The following FAM9B variants were observed in gnomAD, a reference collection of about 807,000 sequenced individuals.
FAM9B encodes the protein protein FAM9B.
FAM9B carries 18 observed loss-of-function variants against 16.6 expected under a neutral mutation model. That is an observed-to-expected ratio of 1.09 (90% confidence interval 0.75 to 1.61). FAM9B has a LOEUF of 1.61. Among genes scored for constraint, FAM9B ranks in the 40% most tolerant of loss-of-function variants. The probability of loss-of-function intolerance (pLI) is 0.00; values close to 1 mark genes in which losing one functional copy is unlikely to be tolerated. For synonymous variants in FAM9B, 43 were observed against 42.6 expected (o/e 1.01, Z -0.03); for missense variants, 155 against 136.0 (o/e 1.14, Z -0.70).
At chrX:9,030,516 A>G (rs2146824175) in intron 4 of FAM9B, 156 bp from the exon 5 acceptor site, 1 of 374,996 alleles carries the variant, frequency 2.7e-6, no homozygotes, top group East Asian at 4.5e-5. Context: ...TCAAAAAGCA[A>G]GATTTACTCA....
intron 6 of FAM9B, among the ~76,000 whole-genome samples, chrX:9,029,017 T>A (rs1920997050): frequency 9.0e-6 from 1 of 111,528 alleles, no homozygotes; most frequent in Non-Finnish European, 1.9e-5. Context: ...CAACTCTCCC[T>A]CTATCAATCT....
At chrX:9,032,654 G>A in intron 2 of FAM9B, 193 bp from the exon 3 acceptor site, 2 of 673,783 alleles carry the variant, frequency 3.0e-6, no homozygotes, top group Non-Finnish European at 4.3e-6. Context: ...GAAGCCCTTC[G>A]GGTTCAGGTT....
chrX:9,032,574 C>A, intron 2 of FAM9B, 113 bp from the exon 3 acceptor site: 3 of 993,425 alleles, frequency 3.0e-6, no homozygotes, highest in Non-Finnish European at 4.1e-6. Context: ...GGCTCTCTGC[C>A]AATTAAAGCT....
chrX:9,027,737 C>A, intron 7 of FAM9B, 131 bp downstream of exon 7: 1 of 502,317 alleles, frequency 2.0e-6, no homozygotes, highest in Admixed American at 3.3e-5. Flanking sequence ...ACAATACATT[C>A]AAAGTGAAAA....
At chrX:9,030,765 A>C (rs952344528) in intron 4 of FAM9B, 3 of 115,027 alleles carry the variant, frequency 2.6e-5, no homozygotes, top group African/African-American at 9.7e-5. Context: ...AAAGCACACA[A>C]AAAAGTATCT....
intron 7 of FAM9B, 59 bp from the exon 8 acceptor site, chrX:9,025,642 A>G: frequency 3.4e-6 from 3 of 891,157 alleles, no homozygotes; most frequent in Non-Finnish European, 4.7e-6. Context: ...CATTTTAAAC[A>G]GGGTTAATTA....
At position 9,024,360 on chromosome X, in the gene FAM9B, T is replaced by G. The variant is rs1030622591; in HGVS notation, c.*1049A>C. 8.9e-6 allele frequency: 1 copy of G among 111,922 alleles called. No homozygotes were observed. 9.2% of individuals were successfully genotyped at this position (111,922 alleles called of 1,213,427 possible). ...AAATAATTGTAAGCATACATAAATG[T>G]TAACAAAATGCTTTCATTCAATTCT... is the stretch of plus-strand genomic sequence containing the variant. On this transcript the variant is annotated 3_prime_UTR_variant, in exon 9 of 9. Transcript: ENST00000327220.
Position 9,030,194 on chromosome X carries a change from T to G in FAM9B, c.281+67A>C, listed in dbSNP as rs774006982. On this transcript the variant is annotated intron_variant, in intron 5 of 8. Coordinates refer to ENST00000327220, the MANE Select transcript of FAM9B (RefSeq NM_205849.3). The stretch of plus-strand genomic sequence containing the variant: ...AATATGTACAGGATAGTTTTTGAAA[T>G]TATTTGCACCAACTAATACAAAGAA... 4.8e-4 allele frequency: 562 copies of G among 1,160,174 alleles called. 4 individuals are homozygous for G. The African/African-American group carries it at 9.4e-3, about 19-fold the overall frequency.
intron 1 of FAM9B, 28 bp from the exon 2 acceptor site, chrX:9,033,103 A>T: frequency 8.3e-7 from 1 of 1,198,276 alleles, no homozygotes; most frequent in Non-Finnish European, 1.1e-6. Flanking sequence ...ACACTAAGGA[A>T]GCTAAGGAAA....
chrX:9,033,843 G>A lies in FAM9B; in HGVS notation c.-90+9C>T. 1 of 753,138 alleles carries A rather than the reference G, an allele frequency of 1.3e-6. No homozygotes were observed. Among genetic ancestry groups the A allele is most frequent in the African/African-American group, 2.3e-5 (1 of 43,425 alleles). The allele number at this position is 753,138 out of a possible 1,213,427, so 62.1% of individuals were successfully genotyped here. A position where few individuals can be genotyped will look rare whatever the true frequency, so the allele number is the denominator to read the frequency against. On this transcript the variant is annotated intron_variant, in intron 1 of 8. Coordinates refer to ENST00000327220, the MANE Select transcript of FAM9B (RefSeq NM_205849.3). Reference sequence around the variant, plus strand: ...CTGCGTTCCCGCCTCCCCACCACGAGTGCTTCACCTGAGGGACCCCTGATG... The same window carrying A: ...CTGCGTTCCCGCCTCCCCACCACGAATGCTTCACCTGAGGGACCCCTGATG...
Position 9,025,509 on chromosome X carries a change from A to C in FAM9B, c.*6T>G, listed in dbSNP as rs1920959669. ...AGTTCTGACATGATTTTATTTAAAAACATGTCTAGTTATCAAGTTCACTGT... is the reference window on the plus strand; with the variant it reads ...AGTTCTGACATGATTTTATTTAAAACCATGTCTAGTTATCAAGTTCACTGT... On this transcript the variant is annotated 3_prime_UTR_variant, in exon 8 of 9. Transcript: ENST00000327220. 3.4e-6 allele frequency: 4 copies of C among 1,189,884 alleles called. No individual in the cohort carries two copies. Among genetic ancestry groups the C allele is most frequent in the African/African-American group, 1.8e-5 (1 of 56,916 alleles).
At position 9,027,915 on chromosome X, in the gene FAM9B, T is replaced by C; in HGVS notation, c.445A>G (p.Arg149Gly). 2.5e-6 allele frequency: 3 copies of C among 1,210,960 alleles called. No individual in the cohort carries two copies. Among genetic ancestry groups the C allele is most frequent in the Non-Finnish European group, 3.4e-6 (3 of 894,884 alleles). Reference sequence around the variant, plus strand: ...AGCTTCATCTCTTTCAGCCTCTCTCTCCTAACACTTCTATATTGTTGCCAC... The same window carrying C: ...AGCTTCATCTCTTTCAGCCTCTCTCCCCTAACACTTCTATATTGTTGCCAC... ...KKWQQYRSVR[R>G]ERLKEMKLLR... is the part of the protein sequence containing the mutation. The change falls in exon 7 of 9, where the codon AGA (arginine) becomes GGA (glycine). Residue 149 changes from arginine (R) to glycine (G), a missense_variant. Physicochemically the swap from Arg to Gly is moderately radical, Grantham distance 125. Coordinates refer to ENST00000327220, the MANE Select transcript of FAM9B (RefSeq NM_205849.3).
rs746887111 is a variant in FAM9B at position 9,033,122 on chromosome X, C to T, written c.-89-47G>A. ...TAAGGAAGCTAAGGAAACCTGGCAT[C>T]GGAAAGGAAAGCCATTGGGATCACA... is the stretch of plus-strand genomic sequence containing the variant. On this transcript the variant is annotated intron_variant, in intron 1 of 8. Transcript: ENST00000327220. The T allele has an allele frequency of 9.3e-6, 11 of 1,183,834 alleles. No individual in the cohort carries two copies. The Admixed American group carries it at 2.7e-4, about 29-fold the overall frequency.
At chrX:9,032,881 G>A in intron 2 of FAM9B, 78 bp downstream of exon 2, 1 of 1,167,790 alleles carries the variant, frequency 8.6e-7, no homozygotes, top group Non-Finnish European at 1.2e-6. Context: ...GGCTGCCCCT[G>A]TGCCCCCAGC....
intron 1 of FAM9B, 139 bp from the exon 2 acceptor site, chrX:9,033,214 G>A: frequency 8.9e-7 from 1 of 1,129,446 alleles, no homozygotes; most frequent in Non-Finnish European, 1.2e-6. Context: ...CGGAAAAGAT[G>A]CCAGTGTCCC....
intron 1 of FAM9B, 113 bp downstream of exon 1, chrX:9,033,739 C>T (rs1401841687): frequency 4.1e-6 from 3 of 733,260 alleles, no homozygotes; most frequent in Non-Finnish European, 4.7e-6. Flanking sequence ...AGGCCCCAGG[C>T]GACGACGCTG....
rs1005957421 is a variant in FAM9B, at chrX:9,024,682, T to C, written c.*727A>G. On this transcript the variant is annotated 3_prime_UTR_variant, in exon 9 of 9. Coordinates refer to ENST00000327220, the MANE Select transcript of FAM9B (RefSeq NM_205849.3). ...ACGCACAGATAAGATAGCTTTTGTCTTCTTCTTCTTGTTTTCTGAGAAAGA... is the reference window on the plus strand; with the variant it reads ...ACGCACAGATAAGATAGCTTTTGTCCTCTTCTTCTTGTTTTCTGAGAAAGA... 5 of 112,391 alleles carry C rather than the reference T, an allele frequency of 4.4e-5. No individual in the cohort carries two copies. Among genetic ancestry groups the C allele is most frequent in the African/African-American group, 1.6e-4 (5 of 30,987 alleles). 9.3% of individuals were successfully genotyped at this position (112,391 alleles called of 1,213,427 possible). A position where few individuals can be genotyped will look rare whatever the true frequency, so the allele number is the denominator to read the frequency against.
rs1288894884 is a variant in FAM9B at position 9,031,482 on chromosome X, T to A, written c.181+648A>T. The A allele has an allele frequency of 3.6e-5, 4 of 111,824 alleles. No homozygotes were observed. The East Asian group carries it at 1.1e-3, about 31-fold the overall frequency. The allele number at this position is 111,824 out of a possible 1,213,427, so 9.2% of individuals were successfully genotyped here. ...AAAATGATTTTAGAAAATTCAATTT[T>A]CTCTTGTACTTTAAAGAAAACAAAA... is the stretch of plus-strand genomic sequence containing the variant. On this transcript the variant is annotated intron_variant, in intron 4 of 8. Transcript: ENST00000327220.
chrX:9,026,394 G>A (rs1042292744), intron 7 of FAM9B, among the ~76,000 whole-genome samples: 4 of 111,090 alleles, frequency 3.6e-5, no homozygotes, highest in African/African-American at 1.3e-4. Flanking sequence ...GACAGAAGGC[G>A]GCAAAACAAG....
Sources: allele counts gnomAD v4.1 joint callset (sites outside exome capture counted in the v4.1 genomes callset), GRCh38; gene constraint gnomAD v4.1.1; transcripts MANE v1.5; gene names NCBI Gene and HGNC (gene_info 2026-07-23, HGNC 2026-07-21).